TNRC6A: variants seen among roughly 807,000 people sequenced by gnomAD.
TNRC6A encodes trinucleotide repeat containing adaptor 6A.
TNRC6A carries 44 observed loss-of-function variants against 221.2 expected under a neutral mutation model. The observed-to-expected ratio is 0.20, with a 90% CI of 0.16 to 0.26. The LOEUF is 0.26. Ranked by LOEUF, TNRC6A falls within the 10% of genes least tolerant of loss-of-function variation. The probability of loss-of-function intolerance (pLI) is 1.00; values close to 1 mark genes in which losing one functional copy is unlikely to be tolerated. For missense variants in TNRC6A, 2,199 were observed against 2,404.4 expected (o/e 0.91, Z 1.79); for synonymous variants, 847 against 838.5 (o/e 1.01, Z -0.18).
rs1188900905 is a variant in TNRC6A at position 24,634,431 on chromosome 16, G to GATAA, written n.277-6438_277-6435dup. Among the ~76,000 whole-genome samples, 7 of 152,008 alleles carry GATAA rather than the reference G, an allele frequency of 4.6e-5. No individual in the cohort carries two copies. The South Asian group carries it at 6.2e-4, about 14-fold the overall frequency. The stretch of plus-strand genomic sequence containing the variant: ...GGCGACAGAGAGAGACCCTGTCTCA[G>GATAA]ATAAATAAATAAATAAATGCACATT... On this transcript the variant is annotated intron_variant and non_coding_transcript_variant, in intron 1 of 2. Coordinates refer to the TNRC6A transcript ENST00000566108.
intron 2 of TNRC6A, among the ~76,000 whole-genome samples, chr16:24,737,246 GA>G (rs1393340183): frequency 6.6e-6 from 1 of 152,166 alleles, no homozygotes; most frequent in Non-Finnish European, 1.5e-5. Flanking sequence ...CAAAGATTAA[GA>G]AACTGCTTCT....
intron 4 of TNRC6A, among the ~76,000 whole-genome samples, chr16:24,771,104 A>G (rs559898611): frequency 2.0e-4 from 30 of 152,374 alleles, no homozygotes; most frequent in African/African-American, 6.0e-4. Flanking sequence ...AAACAGTGCC[A>G]TGCTTCTCAC....
At chr16:24,633,283 T>C (rs1901446029) in intron 1 of TNRC6A, among the ~76,000 whole-genome samples, 4 of 152,230 alleles carry the variant, frequency 2.6e-5, no homozygotes, top group Admixed American at 2.6e-4. Flanking sequence ...AGGCCTTCAA[T>C]TTAAAGTACA....
chr16:24,796,013 T>C, intron 9 of TNRC6A, 74 bp downstream of exon 9: 1 of 1,519,380 alleles, frequency 6.6e-7, no homozygotes, highest in East Asian at 2.3e-5. Flanking sequence ...CAAACATTTA[T>C]TTAGCCTCTG....
intron 2 of TNRC6A, among the ~76,000 whole-genome samples, chr16:24,672,499 T>C (rs963157276): frequency 1.4e-4 from 21 of 151,974 alleles, no homozygotes; most frequent in African/African-American, 4.8e-4. Flanking sequence ...TGGAGTGCAG[T>C]GGTGTGATCA....
chr16:24,770,089 G>T (rs932733437), intron 4 of TNRC6A, among the ~76,000 whole-genome samples: 6 of 152,200 alleles, frequency 3.9e-5, no homozygotes, highest in African/African-American at 1.4e-4. Flanking sequence ...CAGTCTGGGG[G>T]TGGGGGAAAT....
At chr16:24,750,220 A>G (rs2057105988) in intron 2 of TNRC6A, among the ~76,000 whole-genome samples, 1 of 152,232 alleles carries the variant, frequency 6.6e-6, no homozygotes, top group African/African-American at 2.4e-5. Context: ...AATTGTTGTA[A>G]TGCTGAAATA....
chr16:24,815,444 T>G (rs2058636865), intron 19 of TNRC6A, 139 bp downstream of exon 19: 1 of 994,338 alleles, frequency 1.0e-6, no homozygotes, highest in Admixed American at 2.0e-5. Flanking sequence ...CAGAAGTGAT[T>G]GAGGAAAAGT....
rs1413736474 is a variant in TNRC6A, at chr16:24,722,401, A to G, written n.403-28325A>G. Among the ~76,000 whole-genome samples the G allele has an allele frequency of 2.0e-5, 3 of 148,702 alleles. No individual in the cohort carries two copies. The East Asian group carries it at 5.9e-4, about 29-fold the overall frequency. On this transcript the variant is annotated intron_variant and non_coding_transcript_variant, in intron 2 of 2. Coordinates refer to the TNRC6A transcript ENST00000566108. ...TACACCCTAGCCTGGGTGACAGAGC[A>G]AGACCCCAACTATTTATTTATTTAT... is the stretch of plus-strand genomic sequence containing the variant.
Position 24,804,799 on chromosome 16 carries a change from C to T in TNRC6A, c.3932C>T (p.Ala1311Val), listed in dbSNP as rs761363682. The change falls in exon 13 of 25, where the codon GCC becomes GTC. Residue 1311 changes from alanine (A) to valine (V), a missense_variant. Around this residue, in one of 8 missense-constraint regions of TNRC6A, gnomAD observed 158 missense variants for 159.1 expected, o/e 0.99. Coordinates refer to ENST00000395799, the MANE Select transcript of TNRC6A (RefSeq NM_014494.4). ...TCAAATAGTGCACTACCTAACCAGG[C>T]CCTTGGCTCCATAGCAGGGCTGGGT... Reference protein sequence around the residue: ...PPSNSALPNQALGSIAGLGMQ... With the variant: ...PPSNSALPNQVLGSIAGLGMQ... 7 of 1,611,968 alleles carry T rather than the reference C, an allele frequency of 4.3e-6. No individual in the cohort carries two copies. Among genetic ancestry groups the T allele is most frequent in the Non-Finnish European group, 5.1e-6 (6 of 1,179,590 alleles).
chr16:24,817,882 G>A (rs2058686767), intron 20 of TNRC6A, among the ~76,000 whole-genome samples: 1 of 152,194 alleles, frequency 6.6e-6, no homozygotes, highest in South Asian at 2.1e-4. Flanking sequence ...GTGGGAGTTA[G>A]TGGAAGAATC....
rs2058854690 is a variant in TNRC6A, at chr16:24,826,185, C to T, written c.*2378C>T. The T allele has an allele frequency of 6.6e-6, 1 of 152,552 alleles. No individual in the cohort carries two copies. The highest frequency in any genetic ancestry group is 2.1e-4 in the South Asian group (1 of 4,826). 9.4% of individuals were successfully genotyped at this position (152,552 alleles called of 1,614,324 possible). ...TTAAAGTGTTTGGGAGTTTTTTGCG[C>T]TTGTTATGTGGAAATAAAGTGTTTG... On this transcript the variant is annotated 3_prime_UTR_variant, in exon 25 of 25. Coordinates refer to ENST00000395799, the MANE Select transcript of TNRC6A (RefSeq NM_014494.4).
chr16:24,703,021 C>T (rs935189644), intron 2 of TNRC6A, among the ~76,000 whole-genome samples: 3 of 149,092 alleles, frequency 2.0e-5, no homozygotes, highest in Non-Finnish European at 3.0e-5. Context: ...GGTGACAGTG[C>T]GAGACTCTGT....
At chr16:24,692,985 G>A (rs112203116) in intron 2 of TNRC6A, among the ~76,000 whole-genome samples, 933 of 152,028 alleles carry the variant, frequency 6.1e-3, no homozygotes, top group African/African-American at 0.011. Flanking sequence ...CGGGTAAACC[G>A]GTAATATATT....
At position 24,791,407 on chromosome 16, in the gene TNRC6A, G is replaced by T; in HGVS notation, c.2765G>T (p.Trp922Leu). 1 of 1,560,390 alleles carries T rather than the reference G, an allele frequency of 6.4e-7. No individual in the cohort carries two copies. The highest frequency in any genetic ancestry group is 8.7e-7 in the Non-Finnish European group (1 of 1,155,218). Reference sequence around the variant, plus strand: ...TCTAAACCTACTCCTTCCCAGGGATGGGGAGACCCTCCAAAGTCTAATCAG... The same window carrying T: ...TCTAAACCTACTCCTTCCCAGGGATTGGGAGACCCTCCAAAGTCTAATCAG... ...ESSKPTPSQG[W>L]GDPPKSNQSL... is the part of the protein sequence containing the mutation. Residue 922 changes from tryptophan (W) to leucine (L), a missense_variant, in exon 6 of 25, where the codon TGG (tryptophan) becomes TTG (leucine). Transcript: ENST00000395799.
upstream of TNRC6A, among the ~76,000 whole-genome samples, chr16:24,728,426 G>A (rs1257597740): frequency 6.6e-6 from 1 of 151,476 alleles, no homozygotes; most frequent in Non-Finnish European, 1.5e-5. Context: ...CAGCCTGGGA[G>A]ACAGAGCGAG....
chr16:24,770,936 G>C (rs1171654004), intron 4 of TNRC6A, among the ~76,000 whole-genome samples: 1 of 152,154 alleles, frequency 6.6e-6, no homozygotes, highest in Non-Finnish European at 1.5e-5. Flanking sequence ...ATAACAGGAA[G>C]ACTTTATTTG....
At chr16:24,706,654 T>C (rs929272584) in intron 2 of TNRC6A, among the ~76,000 whole-genome samples, 1 of 141,668 alleles carries the variant, frequency 7.1e-6, no homozygotes, top group African/African-American at 2.7e-5. Context: ...ATCGCGCTAC[T>C]GCACTCCAGC....
intron 1 of TNRC6A, among the ~76,000 whole-genome samples, chr16:24,636,365 C>G (rs984823720): frequency 9.5e-5 from 13 of 136,278 alleles, no homozygotes; most frequent in Non-Finnish European, 1.4e-4. Context: ...TATTGTAGGA[C>G]TTTGTGATTT....
Sources: gnomAD v4.1 joint callset for allele counts (sites outside exome capture counted in the v4.1 genomes callset) on GRCh38, gnomAD v4.1.1 for gene constraint, gnomAD v4.1.1 regional missense constraint, MANE v1.5 for transcripts, NCBI Gene and HGNC (gene_info 2026-07-23, HGNC 2026-07-21) for gene names.